Variants in CDC27 observed in about 807,000 individuals in gnomAD.
CDC27 encodes the protein cell division cycle 27, also known as cell division cycle protein 27 homolog.
A neutral mutation model predicts 109.7 loss-of-function variants in CDC27; 27 were observed. That is an observed-to-expected ratio of 0.25 (90% CI 0.18 to 0.34). The LOEUF (loss-of-function observed/expected upper bound fraction) is 0.34. Ranked by LOEUF, CDC27 falls within the 10% of genes least tolerant of loss-of-function variation. The pLI, the probability that CDC27 is intolerant of heterozygous loss-of-function variation, is 1.00. For synonymous variants in CDC27, 266 were observed against 333.9 expected (o/e 0.80, Z 2.22); for missense variants, 579 against 960.2 (o/e 0.60, Z 5.25).
At chr17:47,135,911 TG>T (rs984972351) in intron 14 of CDC27, among the ~76,000 whole-genome samples, 2 of 151,870 alleles carry the variant, frequency 1.3e-5, no homozygotes, top group African/African-American at 4.8e-5. Context: ...GAGGCCAAAG[TG>T]GGTGGATCAT....
intron 2 of CDC27, among the ~76,000 whole-genome samples, chr17:47,174,296 T>C (rs987657012): frequency 3.3e-5 from 5 of 152,194 alleles, no homozygotes; most frequent in African/African-American, 7.2e-5. Flanking sequence ...CTGGATAGGA[T>C]TGACAAAGAT....
chr17:47,149,339 C>T (rs376322023), intron 9 of CDC27, among the ~76,000 whole-genome samples: 9 of 150,562 alleles, frequency 6.0e-5, no homozygotes, highest in African/African-American at 9.8e-5. Flanking sequence ...GGTGAAACCC[C>T]GTTTCTACTA....
At chr17:47,158,163 G>A in intron 5 of CDC27, 43 bp downstream of exon 5, 1 of 774,858 alleles carries the variant, frequency 1.3e-6, no homozygotes, top group Non-Finnish European at 2.0e-6. Context: ...AAAAAAAGAA[G>A]AGGAGATGGG....
At position 47,157,274 on chromosome 17, in the gene CDC27, T is replaced by C; in HGVS notation, c.586A>G (p.Arg196Gly). The C allele has an allele frequency of 6.2e-7, 1 of 1,613,188 alleles. No homozygotes were observed. Among genetic ancestry groups the C allele is most frequent in the Non-Finnish European group, 8.5e-7 (1 of 1,179,686 alleles). Reference protein sequence around the residue: ...TQVPNHSLSHRQPETVLTETP... With the variant: ...TQVPNHSLSHGQPETVLTETP... ...TCCGTAAGAACTGTCTCAGGCTGTC[T>C]GTGAGATAAACTATGATTAGGTACT... Residue 196 changes from arginine (R) to glycine (G), a missense_variant, in exon 6 of 19, where the codon AGA (arginine) becomes GGA (glycine). Coordinates refer to ENST00000066544, the MANE Select transcript of CDC27 (RefSeq NM_001256.6).
At chr17:47,161,568 C>T (rs894988380) in intron 4 of CDC27, among the ~76,000 whole-genome samples, 1 of 151,890 alleles carries the variant, frequency 6.6e-6, no homozygotes, top group African/African-American at 2.4e-5. Context: ...CTGGCCAACA[C>T]GGTGAAAACT....
At chr17:47,187,428 G>A (rs995787479) in intron 1 of CDC27, among the ~76,000 whole-genome samples, 3 of 151,872 alleles carry the variant, frequency 2.0e-5, no homozygotes, top group Admixed American at 2.0e-4. Context: ...AGCCTCCCAA[G>A]TAGCTGGGAT....
chr17:47,152,250 T>A (rs975724153), intron 8 of CDC27, among the ~76,000 whole-genome samples: 2 of 152,138 alleles, frequency 1.3e-5, no homozygotes, highest in African/African-American at 4.8e-5. Flanking sequence ...CTATTTGGGG[T>A]TAAGTACTAA....
intron 12 of CDC27, among the ~76,000 whole-genome samples, 165 bp downstream of exon 12, chr17:47,141,688 A>G (rs1288845992): frequency 1.3e-5 from 2 of 152,210 alleles, no homozygotes; most frequent in Non-Finnish European, 2.9e-5. Flanking sequence ...CCTTAACACA[A>G]GAAAGAACTA....
In CDC27 at chr17:47,129,555, C is replaced by G. The variant is rs2062254538; in HGVS notation, c.2032-34G>C. On this transcript the variant is annotated intron_variant, in intron 15 of 18. Transcript: ENST00000066544. ...AATAAAGATCATGTTAATACTCCCT[C>G]TTGATATTTATGAAGAAAGGTGAGA... The G allele has an allele frequency of 6.0e-6, 9 of 1,505,472 alleles. No individual in the cohort carries two copies. The East Asian group carries it at 1.8e-4, about 30-fold the overall frequency. 93.3% of individuals were successfully genotyped at this position (1,505,472 alleles called of 1,614,324 possible).
At chr17:47,184,057 A>C (rs1363692493) in intron 1 of CDC27, among the ~76,000 whole-genome samples, 1 of 152,222 alleles carries the variant, frequency 6.6e-6, no homozygotes, top group Non-Finnish European at 1.5e-5. Context: ...TTTTGCTGTA[A>C]GTGAAAGAAA....
chr17:47,151,801 A>G lies in CDC27; in HGVS notation c.1070+5T>C. 6.4e-7 allele frequency: 1 copy of G among 1,572,400 alleles called. No homozygotes were observed. The highest frequency in any genetic ancestry group is 1.2e-5 in the South Asian group (1 of 81,854). On this transcript the variant is annotated splice_donor_5th_base_variant and intron_variant, in intron 9 of 18. Transcript: ENST00000066544. The stretch of plus-strand genomic sequence containing the variant: ...GAAAAGTTGAATAATTACAATGATA[A>G]ATACCTTGTTTGTGGACCAGAACTT...
At position 47,189,163 on chromosome 17, in the gene CDC27, G is replaced by A. The variant is rs2064577283; in HGVS notation, c.10C>T (p.Leu4=). The A allele has an allele frequency of 1.9e-6, 3 of 1,612,934 alleles. No homozygotes were observed. The highest frequency in any genetic ancestry group is 1.7e-4 in the Middle Eastern group (1 of 6,054). ...ATCATTACCTGGACGGGTTCCTGCA[G>A]CACCGTCATCCTCGAGGCTCAGGCC... MTV[L]QEPVQAAIWQ... is the part of the protein sequence containing the mutation. Residue 4 remains leucine (L), a synonymous_variant, in exon 1 of 19, where the codon CTG becomes TTG. Coordinates refer to ENST00000066544, the MANE Select transcript of CDC27 (RefSeq NM_001256.6).
intron 9 of CDC27, among the ~76,000 whole-genome samples, chr17:47,146,511 C>T (rs1473059496): frequency 1.3e-5 from 2 of 152,174 alleles, no homozygotes; most frequent in African/African-American, 4.8e-5. Context: ...TACTGGATCT[C>T]ACTCCAAGCT....
intron 4 of CDC27, among the ~76,000 whole-genome samples, chr17:47,169,427 C>A (rs1040847113): frequency 6.6e-6 from 1 of 151,940 alleles, no homozygotes; most frequent in Non-Finnish European, 1.5e-5. Context: ...AGGTGAATCA[C>A]CTTGAGGTCA....
chr17:47,142,444 A>AGG lies in CDC27; in HGVS notation c.1171-10_1171-9dup. 2.3e-6 allele frequency: 3 copies of AGG among 1,324,716 alleles called. No individual in the cohort carries two copies. Among genetic ancestry groups the AGG allele is most frequent in the Non-Finnish European group, 3.2e-6 (3 of 947,302 alleles). The allele number at this position is 1,324,716 out of a possible 1,614,324, so 82.1% of individuals were successfully genotyped here. A position where few individuals can be genotyped will look rare whatever the true frequency, so the allele number is the denominator to read the frequency against. Reference sequence around the variant, plus strand: ...TAATTTTTTGCTATTCTCCTGTAAAAGGGAAGAAATTTCACACCTGTTATA... The same window carrying AGG: ...TAATTTTTTGCTATTCTCCTGTAAAAGGGGGAAGAAATTTCACACCTGTTATA... On this transcript the variant is annotated splice_polypyrimidine_tract_variant and intron_variant, in intron 10 of 18. Transcript: ENST00000066544.
chr17:47,133,028 T>TATATATACACAC (rs1555783886), intron 14 of CDC27, among the ~76,000 whole-genome samples: 10 of 29,828 alleles, frequency 3.4e-4, no homozygotes, highest in Non-Finnish European at 5.3e-4. Flanking sequence ...TATATATATA[T>TATATATACACAC]ACACACACAC....
chr17:47,141,414 C>T (rs558157333), intron 12 of CDC27, among the ~76,000 whole-genome samples: 1 of 152,042 alleles, frequency 6.6e-6, no homozygotes, highest in Admixed American at 6.5e-5. Context: ...GAGTAAAAAG[C>T]CTTGTATTAA....
intron 16 of CDC27, among the ~76,000 whole-genome samples, chr17:47,126,284 T>C (rs1211522795): frequency 6.6e-6 from 1 of 152,204 alleles, no homozygotes; most frequent in Non-Finnish European, 1.5e-5. Flanking sequence ...CTTTTCCTTA[T>C]GCCCTTTTCA....
chr17:47,156,170 G>C (rs2063298506), intron 7 of CDC27, among the ~76,000 whole-genome samples: 1 of 151,690 alleles, frequency 6.6e-6, no homozygotes, highest in Non-Finnish European at 1.5e-5. Context: ...ATGGAGTCTT[G>C]CCCTGTCTCC....
Sources: gnomAD v4.1 joint callset for allele counts (sites outside exome capture counted in the v4.1 genomes callset) on GRCh38, gnomAD v4.1.1 for gene constraint, MANE v1.5 for transcripts, NCBI Gene and HGNC (gene_info 2026-07-23, HGNC 2026-07-21) for gene names.